Variants in ADAMTS18 observed in about 807,000 individuals in gnomAD.
ADAMTS18 encodes the protein ADAM metallopeptidase with thrombospondin type 1 motif 18, also known as A disintegrin and metalloproteinase with thrombospondin motifs 18.
A neutral mutation model predicts 165.9 loss-of-function variants in ADAMTS18; 157 were observed. The observed-to-expected ratio is 0.95, with a 90% confidence interval of 0.83 to 1.08. The LOEUF is 1.08. Among genes scored for constraint, ADAMTS18 ranks in the 50% least tolerant of loss-of-function variants. The probability of loss-of-function intolerance (pLI) is 0.00; values close to 1 mark genes in which losing one functional copy is unlikely to be tolerated. For missense variants in ADAMTS18, 2,040 were observed against 1,534.0 expected (o/e 1.33, Z -5.51); for synonymous variants, 782 against 578.2 (o/e 1.35, Z -5.06).
At chr16:77,376,338 A>C (rs2056952424) in intron 3 of ADAMTS18, among the ~76,000 whole-genome samples, 1 of 152,218 alleles carries the variant, frequency 6.6e-6, no homozygotes, top group Admixed American at 6.5e-5. Flanking sequence ...CCCAAGATCC[A>C]ATCACCTCCC....
intron 21 of ADAMTS18, chr16:77,290,887 G>C: frequency 7.5e-6 from 2 of 266,652 alleles, no homozygotes; most frequent in Non-Finnish European, 1.5e-5. Context: ...TCAGAAACAT[G>C]ATGTAAGAAC....
rs1193683423 is a variant in ADAMTS18 at position 77,355,770 on chromosome 16, AT to A, written c.1460+169del. 2.0e-5 allele frequency among the ~76,000 whole-genome samples: 3 copies of A among 152,124 alleles called. No individual in the cohort carries two copies. The East Asian group carries it at 5.8e-4, about 29-fold the overall frequency. On this transcript the variant is annotated intron_variant, in intron 9 of 22. Coordinates refer to ENST00000282849, the MANE Select transcript of ADAMTS18 (RefSeq NM_199355.4). ...TTAGCACAACATTAGGCTTCAATCT[AT>A]TTTTTTCAACAATGTCATCATCACC...
chr16:77,373,425 C>G (rs1290776710), intron 3 of ADAMTS18, among the ~76,000 whole-genome samples: 1 of 149,988 alleles, frequency 6.7e-6, no homozygotes, highest in Non-Finnish European at 1.5e-5. Context: ...CACCACTGCA[C>G]TCCAGCCTGG....
At chr16:77,421,767 C>G (rs1298129324) in intron 3 of ADAMTS18, among the ~76,000 whole-genome samples, 3 of 151,576 alleles carry the variant, frequency 2.0e-5, no homozygotes, top group African/African-American at 4.9e-5. Context: ...TCTCCCTACC[C>G]TCCTCATAAA....
At chr16:77,382,897 C>G (rs141440460) in intron 3 of ADAMTS18, among the ~76,000 whole-genome samples, 1 of 152,170 alleles carries the variant, frequency 6.6e-6, no homozygotes, top group African/African-American at 2.4e-5. Flanking sequence ...CCTTGGAAAG[C>G]GGCGGCTTGA....
chr16:77,322,677 G>A (rs573844044), intron 13 of ADAMTS18, among the ~76,000 whole-genome samples: 7 of 152,218 alleles, frequency 4.6e-5, no homozygotes, highest in East Asian at 1.9e-4. Context: ...AGAGTAATAC[G>A]TAACAATTTT....
intron 16 of ADAMTS18, among the ~76,000 whole-genome samples, chr16:77,312,286 G>C (rs189649088): frequency 7.9e-5 from 12 of 151,786 alleles, no homozygotes; most frequent in Admixed American, 3.3e-4. Context: ...GCCCAGGCTG[G>C]AGTGCAATGG....
At chr16:77,355,054 C>G (rs917431402) in intron 9 of ADAMTS18, among the ~76,000 whole-genome samples, 1 of 152,116 alleles carries the variant, frequency 6.6e-6, no homozygotes, top group Non-Finnish European at 1.5e-5. Context: ...ATTCTTTAAA[C>G]ATTTGCAAAT....
chr16:77,348,072 C>T (rs8051048), intron 10 of ADAMTS18, among the ~76,000 whole-genome samples: 12,006 of 152,072 alleles, frequency 0.079, 1,521 homozygotes, highest in African/African-American at 0.27. Flanking sequence ...AGTTCATTCA[C>T]ATATAGATAT....
intron 10 of ADAMTS18, among the ~76,000 whole-genome samples, chr16:77,347,457 C>T (rs899487979): frequency 3.3e-5 from 5 of 152,122 alleles, no homozygotes; most frequent in African/African-American, 4.8e-5. Context: ...TTCTGGTCTT[C>T]GGTATCATTT....
intron 3 of ADAMTS18, among the ~76,000 whole-genome samples, chr16:77,371,430 C>T (rs2056875016): frequency 6.6e-6 from 1 of 151,968 alleles, no homozygotes; most frequent in African/African-American, 2.4e-5. Context: ...AGGAATAAAA[C>T]AGACACATAA....
In ADAMTS18 at chr16:77,367,613, C is replaced by T. The variant is rs1287418985; in HGVS notation, c.606G>A (p.Leu202=). 2.5e-6 allele frequency: 4 copies of T among 1,614,168 alleles called. No individual in the cohort carries two copies. In the African/African-American group the frequency reaches 4.0e-5, roughly 16 times the overall value. ...TCTTCTCCTCTGCTGTCCTTTTGTA[C>T]AGTACGTGAGGATGGTGACCCGCAG... The part of the protein sequence containing the change: ...SSPAGHHPHV[L]YKRTAEEKIQ... Residue 202 remains leucine (L), a synonymous_variant, in exon 4 of 23, where the codon CTG becomes CTA. Transcript: ENST00000282849.
At chr16:77,310,960 T>C (rs1193689076) in intron 16 of ADAMTS18, among the ~76,000 whole-genome samples, 1 of 152,204 alleles carries the variant, frequency 6.6e-6, no homozygotes, top group East Asian at 1.9e-4. Context: ...ACACTGAATG[T>C]TTTTTAAACC....
intron 3 of ADAMTS18, among the ~76,000 whole-genome samples, chr16:77,412,235 G>A (rs986755528): frequency 4.6e-5 from 7 of 152,120 alleles, no homozygotes; most frequent in South Asian, 2.1e-4. Context: ...ACTGTAACTC[G>A]TACCATTGGC....
At chr16:77,290,899 A>G in intron 21 of ADAMTS18, 2 of 276,322 alleles carry the variant, frequency 7.2e-6, no homozygotes, top group Non-Finnish European at 1.4e-5. Context: ...TGTAAGAACC[A>G]AATGAGTAAA....
At chr16:77,387,625 C>T (rs962464300) in intron 3 of ADAMTS18, among the ~76,000 whole-genome samples, 10 of 152,064 alleles carry the variant, frequency 6.6e-5, no homozygotes, top group Non-Finnish European at 1.3e-4. Flanking sequence ...TGTAATGAGG[C>T]GATTACAAGC....
intron 3 of ADAMTS18, among the ~76,000 whole-genome samples, chr16:77,430,405 T>C (rs12927898): frequency 0.48 from 73,283 of 152,110 alleles, 18,647 homozygotes; most frequent in Non-Finnish European, 0.58. Context: ...CATTCACCCG[T>C]ACCCAAGCCA....
intron 12 of ADAMTS18, among the ~76,000 whole-genome samples, chr16:77,334,721 A>AT (rs373254383): frequency 1.1e-4 from 5 of 46,470 alleles, no homozygotes; most frequent in Non-Finnish European, 1.8e-4. Context: ...ACTATAGTAT[A>AT]CTACTATATA....
At position 77,345,453 on chromosome 16, in the gene ADAMTS18, T is replaced by C. The variant is rs185050870; in HGVS notation, c.1615-3654A>G. 1.2e-4 allele frequency among the ~76,000 whole-genome samples: 18 copies of C among 152,280 alleles called. No homozygotes were observed. In the East Asian group the frequency reaches 3.1e-3, roughly 26 times the overall value. On this transcript the variant is annotated intron_variant, in intron 10 of 22. Transcript: ENST00000282849. ...TCATATTGGCTTTGCCTTCAAAATATTTCCAGAATCTGAACAATTATGGCC... is the reference window on the plus strand; with the variant it reads ...TCATATTGGCTTTGCCTTCAAAATACTTCCAGAATCTGAACAATTATGGCC...
Sources: allele counts gnomAD v4.1 joint callset (sites outside exome capture counted in the v4.1 genomes callset), GRCh38; gene constraint gnomAD v4.1.1; transcripts MANE v1.5; gene names NCBI Gene and HGNC (gene_info 2026-07-23, HGNC 2026-07-21).